The following PCDHGA2 variants were observed in gnomAD, a reference collection of about 807,000 sequenced individuals.
PCDHGA2 encodes the protein protocadherin gamma subfamily A, 2.
Under a neutral mutation model 59.2 loss-of-function variants are expected in PCDHGA2, and 40 were observed. The observed-to-expected ratio is 0.68, with a 90% CI of 0.52 to 0.88. The LOEUF (loss-of-function observed/expected upper bound fraction) is 0.88, where lower values mean the gene tolerates loss of function less well. Ranked by LOEUF, PCDHGA2 falls within the 40% of genes least tolerant of loss-of-function variation. The pLI is 0.00. For missense variants in PCDHGA2, 1,226 were observed against 1,204.0 expected (o/e 1.02, Z -0.27); for synonymous variants, 560 against 526.0 (o/e 1.06, Z -0.89).
intron 1 of PCDHGA2, chr5:141,408,334 C>T (rs2095086638): frequency 1.2e-6 from 2 of 1,613,910 alleles, no homozygotes; most frequent in East Asian, 2.2e-5. Context: ...TGGCCAAGGG[C>T]TCGGTGGTGG....
Position 141,340,727 on chromosome 5 carries a change from T to A in PCDHGA2, c.1756T>A (p.Tyr586Asn). 6.2e-7 allele frequency: 1 copy of A among 1,613,998 alleles called. No homozygotes were observed. Among genetic ancestry groups the A allele is most frequent in the Non-Finnish European group, 8.5e-7 (1 of 1,180,020 alleles). The part of the protein sequence containing the change: ...ELAPRSAEPG[Y>N]LVTKVVAVDR... ...GGCGCCCCGCTCCGCAGAGCCCGGC[T>A]ACCTGGTGACCAAGGTGGTGGCGGT... Residue 586 changes from tyrosine to asparagine, a missense_variant, in exon 1 of 4, where the codon TAC becomes AAC. Coordinates refer to ENST00000394576, the MANE Select transcript of PCDHGA2 (RefSeq NM_018915.4).
chr5:141,352,600 T>G (rs776882485), intron 1 of PCDHGA2: 31 of 1,613,700 alleles, frequency 1.9e-5, no homozygotes, highest in Non-Finnish European at 2.5e-5. Flanking sequence ...TGTGTGATGA[T>G]CCTTCTATGG....
intron 1 of PCDHGA2, among the ~76,000 whole-genome samples, chr5:141,455,769 C>T (rs1371335785): frequency 2.6e-5 from 4 of 152,014 alleles, no homozygotes; most frequent in Admixed American, 2.6e-4. Flanking sequence ...AGAGCCGGGG[C>T]TTTAAAAGAA....
At chr5:141,360,134 A>T (rs773035416) in intron 1 of PCDHGA2, 1 of 1,591,326 alleles carries the variant, frequency 6.3e-7, no homozygotes, top group Non-Finnish European at 8.6e-7. Flanking sequence ...GGGAGCCAGA[A>T]GATGAAAGCG....
chr5:141,399,946 G>A (rs911365297), intron 1 of PCDHGA2: 1 of 1,612,270 alleles, frequency 6.2e-7, no homozygotes, highest in African/African-American at 1.3e-5. Context: ...CGTGCTGCAG[G>A]CTAGCGAGCC....
rs372648693 is a variant in PCDHGA2, at chr5:141,417,997, G to A, written c.2424+76602G>A. 244 of 1,613,872 alleles carry A rather than the reference G, an allele frequency of 1.5e-4. No homozygotes were observed. The Middle Eastern group carries it at 3.5e-3, about 23-fold the overall frequency. On this transcript the variant is annotated intron_variant, in intron 1 of 3. Transcript: ENST00000394576. ...CGGAGGAGCTGGCCAAGGGCTCGGT[G>A]GTGGGGAACCTCGCTAAGGATCTAG...
Position 141,477,483 on chromosome 5 carries a change from A to G in PCDHGA2, c.2425-17324A>G. The G allele has an allele frequency of 6.2e-7, 1 of 1,614,028 alleles. No individual in the cohort carries two copies. On this transcript the variant is annotated intron_variant, in intron 1 of 3. Coordinates refer to ENST00000394576, the MANE Select transcript of PCDHGA2 (RefSeq NM_018915.4). The surrounding 1 kb of genome is among the most constrained non-coding windows in gnomAD (Gnocchi z 4.9). ...TCCGACATCAATGACAACCCTCCAC[A>G]ATCTTCTCAATCTTCCTACGACGTT...
In PCDHGA2 at chr5:141,463,735, C is replaced by T. The variant is rs1411988885; in HGVS notation, c.2425-31072C>T. On this transcript the variant is annotated intron_variant, in intron 1 of 3. Coordinates refer to ENST00000394576, the MANE Select transcript of PCDHGA2 (RefSeq NM_018915.4). ...TGCTGGGATTACAGGCATGAGCCAC[C>T]GCGCCCGGCCTGCTTCTCTTCTCTT... 3.3e-5 allele frequency among the ~76,000 whole-genome samples: 5 copies of T among 152,100 alleles called. No individual in the cohort carries two copies. The East Asian group carries it at 7.8e-4, about 24-fold the overall frequency.
Position 141,491,507 on chromosome 5 carries a change from C to G in PCDHGA2, c.2425-3300C>G, listed in dbSNP as rs755899622. The stretch of plus-strand genomic sequence containing the variant: ...AACCTGCAGGTGAGCTCGGACGGCA[C>G]GCTCAAGTACATGGAGGTGACGCTG... On this transcript the variant is annotated intron_variant, in intron 1 of 3. Coordinates refer to ENST00000394576, the MANE Select transcript of PCDHGA2 (RefSeq NM_018915.4). This position sits in a 1 kb window ranked among gnomAD's most constrained non-coding sequence, Gnocchi z 6.9. 1.5e-5 allele frequency: 24 copies of G among 1,614,038 alleles called. No individual in the cohort carries two copies. The highest frequency in any genetic ancestry group is 2.0e-5 in the Non-Finnish European group (24 of 1,180,016).
chr5:141,508,800 C>A (rs973992018), intron 3 of PCDHGA2, among the ~76,000 whole-genome samples: 1 of 152,086 alleles, frequency 6.6e-6, no homozygotes, highest in African/African-American at 2.4e-5. Context: ...CTCTGGAATC[C>A]TGGCTCTTTG....
chr5:141,420,401 A>G, intron 1 of PCDHGA2: 1 of 1,249,172 alleles, frequency 8.0e-7, no homozygotes. Flanking sequence ...GGTCAAATTT[A>G]TGGTTATCAT....
intron 1 of PCDHGA2, chr5:141,398,625 T>C (rs777533974): frequency 6.2e-7 from 1 of 1,614,046 alleles, no homozygotes; most frequent in South Asian, 1.1e-5. Context: ...GCTTAAACTC[T>C]CTGCAGAAGT....
chr5:141,485,260 G>C lies in PCDHGA2; in HGVS notation c.2425-9547G>C. ...TTTACCACCTGGGTTACGTTTGTGG[G>C]CAGATCCGCTACCCGGTCCCAGAGG... is the stretch of plus-strand genomic sequence containing the variant. On this transcript the variant is annotated intron_variant, in intron 1 of 3. Transcript: ENST00000394576. The surrounding 1 kb of genome is among the most constrained non-coding windows in gnomAD (Gnocchi z 5.7). 1 of 1,614,122 alleles carries C rather than the reference G, an allele frequency of 6.2e-7. No homozygotes were observed. The highest frequency in any genetic ancestry group is 8.5e-7 in the Non-Finnish European group (1 of 1,179,966).
In PCDHGA2 at chr5:141,490,658, T is replaced by A. The variant is rs776806248; in HGVS notation, c.2425-4149T>A. The A allele has an allele frequency of 8.1e-6, 13 of 1,614,204 alleles. No homozygotes were observed. The South Asian group carries it at 1.4e-4, about 18-fold the overall frequency. ...GAAAACCGGCCTCCGGGCTCCCTTC[T>A]TTGCACTGTGGCTGCCTCAGATCCA... On this transcript the variant is annotated intron_variant, in intron 1 of 3. Transcript: ENST00000394576. The surrounding 1 kb of genome is among the most constrained non-coding windows in gnomAD (Gnocchi z 5.4).
chr5:141,499,253 T>C (rs1189676230), intron 2 of PCDHGA2, among the ~76,000 whole-genome samples: 1 of 152,030 alleles, frequency 6.6e-6, no homozygotes, highest in Non-Finnish European at 1.5e-5. Context: ...ACAAAGAGTC[T>C]CCATTTGGTC....
intron 1 of PCDHGA2, chr5:141,351,810 A>C: frequency 6.2e-7 from 1 of 1,613,260 alleles, no homozygotes; most frequent in Non-Finnish European, 8.5e-7. Flanking sequence ...CGCGCCTTCG[A>C]CCACGAGCAG....
chr5:141,393,937 A>G lies in PCDHGA2; in HGVS notation c.2424+52542A>G, dbSNP rs751838967. 26 of 1,613,788 alleles carry G rather than the reference A, an allele frequency of 1.6e-5. 2 individuals are homozygous for G. In the South Asian group the frequency reaches 2.9e-4, roughly 18 times the overall value. On this transcript the variant is annotated intron_variant, in intron 1 of 3. Coordinates refer to ENST00000394576, the MANE Select transcript of PCDHGA2 (RefSeq NM_018915.4). ...GCCTTCTTGAGTGTGCATGACCAAG[A>G]CTCTGGAAAGAATGGTCAAGTTGTC...
At chr5:141,357,716 T>G in intron 1 of PCDHGA2, 2 of 1,441,654 alleles carry the variant, frequency 1.4e-6, no homozygotes, top group Non-Finnish European at 1.9e-6. Context: ...TCAAATAAAG[T>G]TGCCTCTTTT....
chr5:141,485,964 T>A lies in PCDHGA2; in HGVS notation c.2425-8843T>A. 1 of 1,614,162 alleles carries A rather than the reference T, an allele frequency of 6.2e-7. No homozygotes were observed. The highest frequency in any genetic ancestry group is 8.5e-7 in the Non-Finnish European group (1 of 1,180,000). On this transcript the variant is annotated intron_variant, in intron 1 of 3. Transcript: ENST00000394576. The surrounding 1 kb of genome is among the most constrained non-coding windows in gnomAD (Gnocchi z 5.7). ...CCAGCGGGCATGGTGCTCATCCAGC[T>A]CAATGCCTCAGACCCGGACCTGGGT...
Sources: gnomAD v4.1 joint callset for allele counts (sites outside exome capture counted in the v4.1 genomes callset) on GRCh38, gnomAD v4.1.1 for gene constraint, Gnocchi (gnomAD v3.1) non-coding constraint, MANE v1.5 for transcripts, NCBI Gene and HGNC (gene_info 2026-07-23, HGNC 2026-07-21) for gene names.